Variants in TMEM79 observed in about 807,000 individuals in gnomAD.
The protein encoded by TMEM79 is mattrin.
TMEM79 carries 30 observed loss-of-function variants against 31.2 expected under a neutral mutation model. That is an observed-to-expected ratio of 0.96 (90% confidence interval 0.72 to 1.30). The LOEUF (loss-of-function observed/expected upper bound fraction) is 1.30, where lower values mean the gene tolerates loss of function less well. TMEM79 is among the 50% of genes most tolerant of loss of function. The pLI is 0.00. For synonymous variants in TMEM79, 213 were observed against 229.5 expected (o/e 0.93, Z 0.65); for missense variants, 509 against 528.2 (o/e 0.96, Z 0.36).
At position 156,286,295 on chromosome 1, in the gene TMEM79, T is replaced by A. The variant is rs1379834193; in HGVS notation, c.793T>A (p.Ser265Thr). The A allele has an allele frequency of 5.0e-6, 8 of 1,614,256 alleles. No homozygotes were observed. The East Asian group carries it at 1.8e-4, about 36-fold the overall frequency. Residue 265 changes from serine (S) to threonine (T), a missense_variant, in exon 3 of 4, where the codon TCT becomes ACT. Ser to Thr is a moderately conservative substitution (Grantham distance 58). Transcript: ENST00000405535. The part of the protein sequence containing the change: ...LVYGLSLLCF[S>T]ALRPFGEPRR... ...GTACGGGCTGAGCCTGTTATGCTTT[T>A]CTGCCCTTCGGCCCTTTGGGGAGCC...
chr1:156,285,803 G>A lies in TMEM79; in HGVS notation c.577G>A (p.Gly193Arg), dbSNP rs145665969. Residue 193 changes from glycine (G) to arginine (R), a missense_variant, in exon 2 of 4, where the codon GGA becomes AGA. Gly to Arg is a moderately radical substitution (Grantham distance 125). Coordinates refer to ENST00000405535, the MANE Select transcript of TMEM79 (RefSeq NM_032323.3). ...TTCCTGTGGGGGCTGCGGGAGCTGT[G>A]GAGACCGTGAGTGGCTAAGGGCTGT... ...GCSCGGCGSC[G>R]DREWLRAVAS... 1 of 1,613,700 alleles carries A rather than the reference G, an allele frequency of 6.2e-7. No homozygotes were observed. Among genetic ancestry groups the A allele is most frequent in the Non-Finnish European group, 8.5e-7 (1 of 1,180,006 alleles).
intron 3 of TMEM79, among the ~76,000 whole-genome samples, chr1:156,287,246 G>A (rs1438153180): frequency 1.3e-5 from 2 of 151,758 alleles, no homozygotes; most frequent in Admixed American, 1.3e-4. Flanking sequence ...GAAACCCCAG[G>A]TCTACTAAAA....
Position 156,285,751 on chromosome 1 carries a change from T to C in TMEM79, c.525T>C (p.Ala175=). 6.2e-7 allele frequency: 1 copy of C among 1,613,346 alleles called. No individual in the cohort carries two copies. The highest frequency in any genetic ancestry group is 8.5e-7 in the Non-Finnish European group (1 of 1,179,978). The stretch of plus-strand genomic sequence containing the variant: ...CCGACCCCACTGAGCGCAAGTGGGC[T>C]GAGGCAGTGGTGAGGCCGCCTGGCT... ...THPDPTERKW[A]EAVVRPPGCS... The change falls in exon 2 of 4, where the codon GCT becomes GCC. Residue 175 remains alanine (A), a synonymous_variant. Coordinates refer to ENST00000405535, the MANE Select transcript of TMEM79 (RefSeq NM_032323.3).
At position 156,289,817 on chromosome 1, in the gene TMEM79, C is replaced by T. The variant is rs570936927; in HGVS notation, c.972-1568C>T. Among the ~76,000 whole-genome samples, 9 of 152,316 alleles carry T rather than the reference C, an allele frequency of 5.9e-5. 1 individual carries two copies. The East Asian group carries it at 9.6e-4, about 16-fold the overall frequency. ...ATTAAGAGGAAGTTGCTCTCCCCTCCCTCCATTGAGGGGTGTGTATTGAAC... is the reference window on the plus strand; with the variant it reads ...ATTAAGAGGAAGTTGCTCTCCCCTCTCTCCATTGAGGGGTGTGTATTGAAC... On this transcript the variant is annotated intron_variant, in intron 3 of 3. Coordinates refer to ENST00000405535, the MANE Select transcript of TMEM79 (RefSeq NM_032323.3).
intron 3 of TMEM79, 105 bp downstream of exon 3, chr1:156,286,578 C>A: frequency 8.5e-7 from 1 of 1,175,046 alleles, no homozygotes; most frequent in Non-Finnish European, 1.2e-6. Flanking sequence ...GGATTCTACA[C>A]TGGCCCAAAT....
intron 3 of TMEM79, among the ~76,000 whole-genome samples, chr1:156,287,122 C>A (rs2104404): frequency 0.22 from 32,368 of 149,962 alleles, 3,677 homozygotes; most frequent in Admixed American, 0.32. Flanking sequence ...GACTTCATCT[C>A]AAAAAAATAA....
chr1:156,283,594 T>C (rs1425168432), upstream of TMEM79, among the ~76,000 whole-genome samples: 1 of 152,266 alleles, frequency 6.6e-6, no homozygotes, highest in Non-Finnish European at 1.5e-5. Flanking sequence ...TGTCTTGTTT[T>C]AGCTTAAAAC....
chr1:156,285,811 T>A lies in TMEM79; in HGVS notation c.585T>A (p.Arg195=). ...SCGGCGSCGD[R]EWLRAVASVG... Reference sequence around the variant, plus strand: ...GGGGCTGCGGGAGCTGTGGAGACCGTGAGTGGCTAAGGGCTGTGGCCTCCG... The same window carrying A: ...GGGGCTGCGGGAGCTGTGGAGACCGAGAGTGGCTAAGGGCTGTGGCCTCCG... The change falls in exon 2 of 4, where the codon CGT becomes CGA. Residue 195 remains arginine, a synonymous_variant. Transcript: ENST00000405535. 1 of 1,613,670 alleles carries A rather than the reference T, an allele frequency of 6.2e-7. No individual in the cohort carries two copies. The highest frequency in any genetic ancestry group is 8.5e-7 in the Non-Finnish European group (1 of 1,180,010).
Position 156,286,397 on chromosome 1 carries a change from G to A in TMEM79, c.895G>A (p.Ala299Thr). The change falls in exon 3 of 4, where the codon GCC (alanine) becomes ACC (threonine). Residue 299 changes from alanine to threonine, a missense_variant. Physicochemically the swap from Ala to Thr is moderately conservative, Grantham distance 58. Coordinates refer to ENST00000405535, the MANE Select transcript of TMEM79 (RefSeq NM_032323.3). The stretch of plus-strand genomic sequence containing the variant: ...CTTTATTCTCTACTTCTTCAACCTG[G>A]CCGTGCTTTCCACTTACCTGCCCCA... ...QLFILYFFNL[A>T]VLSTYLPQDT... The A allele has an allele frequency of 6.2e-7, 1 of 1,614,158 alleles. No homozygotes were observed. The highest frequency in any genetic ancestry group is 8.5e-7 in the Non-Finnish European group (1 of 1,180,026).
chr1:156,291,678 C>A lies in TMEM79; in HGVS notation c.*80C>A. 2 of 1,395,376 alleles carry A rather than the reference C, an allele frequency of 1.4e-6. No individual in the cohort carries two copies. Among genetic ancestry groups the A allele is most frequent in the Non-Finnish European group, 2.0e-6 (2 of 990,552 alleles). 86.4% of individuals were successfully genotyped at this position (1,395,376 alleles called of 1,614,324 possible). A position where few individuals can be genotyped will look rare whatever the true frequency, so the allele number is the denominator to read the frequency against. Reference sequence around the variant, plus strand: ...TTTGAACCTTGTGGCCAGGCCTGGACTTCGCCCCCAGGCCTAGGACCGCGG... The same window carrying A: ...TTTGAACCTTGTGGCCAGGCCTGGAATTCGCCCCCAGGCCTAGGACCGCGG... On this transcript the variant is annotated 3_prime_UTR_variant, in exon 4 of 4. Transcript: ENST00000405535.
rs754743452 is a variant in TMEM79 at position 156,291,611 on chromosome 1, T to G, written c.*13T>G. The G allele has an allele frequency of 8.7e-6, 14 of 1,610,002 alleles. No individual in the cohort carries two copies. Among genetic ancestry groups the G allele is most frequent in the Non-Finnish European group, 1.1e-5 (13 of 1,178,108 alleles). ...CCCCTGGGGCTGAGCCTCTCCGCCC[T>G]CGCCCTCGGAGTAGGGGGTAGCGGC... is the stretch of plus-strand genomic sequence containing the variant. On this transcript the variant is annotated 3_prime_UTR_variant, in exon 4 of 4. Coordinates refer to ENST00000405535, the MANE Select transcript of TMEM79 (RefSeq NM_032323.3).
intron 2 of TMEM79, 133 bp downstream of exon 2, chr1:156,286,116 G>A: frequency 7.1e-7 from 1 of 1,401,758 alleles, no homozygotes; most frequent in African/African-American, 1.4e-5. Context: ...CTGCCAGTCT[G>A]CATGCCCATC....
chr1:156,291,591 G>C lies in TMEM79; in HGVS notation c.1178G>C (p.Trp393Ser), dbSNP rs760929767. The change falls in exon 4 of 4, where the codon TGG becomes TCG. Residue 393 changes from tryptophan (W) to serine (S), a missense_variant. Physicochemically the swap from Trp to Ser is radical, Grantham distance 177. Transcript: ENST00000405535. ...GCCTCCGACTACAGGCCCCGCCCCT[G>C]GGGCTGAGCCTCTCCGCCCTCGCCC... ...RSASDYRPRP[W>S]G 10 of 1,611,524 alleles carry C rather than the reference G, an allele frequency of 6.2e-6. No individual in the cohort carries two copies. In the East Asian group the frequency reaches 2.2e-4, roughly 36 times the overall value.
intron 3 of TMEM79, among the ~76,000 whole-genome samples, chr1:156,288,015 C>T (rs1437547381): frequency 6.6e-6 from 1 of 151,794 alleles, no homozygotes; most frequent in African/African-American, 2.4e-5. Flanking sequence ...GAGATTGAGA[C>T]CATCCTGGCT....
chr1:156,286,450 C>T lies in TMEM79; in HGVS notation c.948C>T (p.Leu316=). The change falls in exon 3 of 4, where the codon CTC becomes CTT. Residue 316 remains leucine (L), a synonymous_variant. Coordinates refer to ENST00000405535, the MANE Select transcript of TMEM79 (RefSeq NM_032323.3). Reference sequence around the variant, plus strand: ...ATACCCTCAAACTGCTCCCTCTGCTCACTGGTCTCTTTGCCGTCTCCCGGT... The same window carrying T: ...ATACCCTCAAACTGCTCCCTCTGCTTACTGGTCTCTTTGCCGTCTCCCGGT... ...PQDTLKLLPL[L]TGLFAVSRLI... is the part of the protein sequence containing the mutation. 10 of 1,614,192 alleles carry T rather than the reference C, an allele frequency of 6.2e-6. No homozygotes were observed. Among genetic ancestry groups the T allele is most frequent in the Non-Finnish European group, 8.5e-6 (10 of 1,180,024 alleles).
At chr1:156,283,003 A>C, upstream of TMEM79, 1 of 505,540 alleles carries the variant, frequency 2.0e-6, no homozygotes, top group Non-Finnish European at 3.5e-6. Flanking sequence ...TTTATTGGCA[A>C]AGCTATCAGA....
At chr1:156,287,606 C>CT (rs745468403) in intron 3 of TMEM79, among the ~76,000 whole-genome samples, 1,031 of 72,556 alleles carry the variant, frequency 0.014, 9 homozygotes, top group East Asian at 0.034. Context: ...TTACTCTCCA[C>CT]TTTTTTTTTT....
intron 3 of TMEM79, among the ~76,000 whole-genome samples, chr1:156,288,703 G>A (rs1222333071): frequency 6.6e-6 from 1 of 152,164 alleles, no homozygotes; most frequent in Non-Finnish European, 1.5e-5. Flanking sequence ...TTCCTATTGA[G>A]CTAAAATTAG....
rs2101597378 is a variant in TMEM79, at chr1:156,292,096, G to A, written c.*498G>A. The A allele has an allele frequency of 4.7e-6, 1 of 212,950 alleles. No homozygotes were observed. Among genetic ancestry groups the A allele is most frequent in the South Asian group, 1.1e-4 (1 of 9,216 alleles). 13.2% of individuals were successfully genotyped at this position (212,950 alleles called of 1,614,324 possible). ...AGAGGCTGGGCATCACATCAAATGGGACTGTGGTGTTTGGTGAAAACCTTC... is the reference window on the plus strand; with the variant it reads ...AGAGGCTGGGCATCACATCAAATGGAACTGTGGTGTTTGGTGAAAACCTTC... On this transcript the variant is annotated 3_prime_UTR_variant, in exon 4 of 4. Coordinates refer to ENST00000405535, the MANE Select transcript of TMEM79 (RefSeq NM_032323.3).
Sources: gnomAD v4.1 joint callset for allele counts (sites outside exome capture counted in the v4.1 genomes callset) on GRCh38, gnomAD v4.1.1 for gene constraint, MANE v1.5 for transcripts, NCBI Gene and HGNC (gene_info 2026-07-23, HGNC 2026-07-21) for gene names.